FGD5: variants seen among roughly 807,000 people sequenced by gnomAD.
The protein encoded by FGD5 is FYVE, RhoGEF and PH domain-containing protein 5.
A neutral mutation model predicts 133.4 loss-of-function variants in FGD5; 28 were observed. The observed-to-expected ratio is 0.21, with a 90% confidence interval of 0.16 to 0.29. The LOEUF (loss-of-function observed/expected upper bound fraction) is 0.29. Ranked by LOEUF, FGD5 falls within the 10% of genes least tolerant of loss-of-function variation. FGD5 has a pLI of 1.00. For missense variants in FGD5, 1,858 were observed against 1,895.2 expected, an observed-to-expected ratio of 0.98 and a Z score of 0.36; for synonymous variants, 810 against 776.5, an observed-to-expected ratio of 1.04 and a Z score of -0.72.
At chr3:14,827,815 C>A (rs1034871659) in intron 1 of FGD5, among the ~76,000 whole-genome samples, 8 of 152,126 alleles carry the variant, frequency 5.3e-5, no homozygotes, top group African/African-American at 1.7e-4. Context: ...AGCATGCCGT[C>A]TGTTTGGAAT....
chr3:14,884,746 C>T (rs2037891799), intron 4 of FGD5, among the ~76,000 whole-genome samples: 1 of 152,176 alleles, frequency 6.6e-6, no homozygotes, highest in Non-Finnish European at 1.5e-5. Flanking sequence ...TGGCTAGGAG[C>T]TGGGATCACC....
intron 7 of FGD5, among the ~76,000 whole-genome samples, chr3:14,899,069 C>T (rs1209317679): frequency 6.6e-6 from 1 of 152,140 alleles, no homozygotes; most frequent in East Asian, 1.9e-4. Context: ...CCCAACGACA[C>T]CCCTCCCCAG....
In FGD5 at chr3:14,917,908, T is replaced by A. The variant is rs1470935702; in HGVS notation, c.3489+576T>A. On this transcript the variant is annotated intron_variant, in intron 12 of 19. Coordinates refer to ENST00000285046, the MANE Select transcript of FGD5 (RefSeq NM_152536.4). This position sits in a 1 kb window ranked among gnomAD's most constrained non-coding sequence, Gnocchi z 4.1. ...ATTTGACTACTATGGGTACCTCGAA[T>A]GAGGAGTCACACAGTATTGATCCTT... Among the ~76,000 whole-genome samples the A allele has an allele frequency of 2.6e-5, 4 of 152,206 alleles. No homozygotes were observed. Among genetic ancestry groups the A allele is most frequent in the South Asian group, 2.1e-4 (1 of 4,834 alleles).
At chr3:14,833,097 C>T (rs1209679635) in intron 1 of FGD5, among the ~76,000 whole-genome samples, 1 of 152,200 alleles carries the variant, frequency 6.6e-6, no homozygotes, top group East Asian at 1.9e-4. Context: ...CAAGACTGTC[C>T]AGCCTTCCAC....
chr3:14,920,123 G>A (rs2038646000), intron 13 of FGD5, among the ~76,000 whole-genome samples: 1 of 151,962 alleles, frequency 6.6e-6, no homozygotes, highest in Non-Finnish European at 1.5e-5. Flanking sequence ...AAGCTCTCGG[G>A]GGCTTGGAAA....
chr3:14,902,002 C>T (rs950939525), intron 9 of FGD5, among the ~76,000 whole-genome samples: 2 of 152,110 alleles, frequency 1.3e-5, no homozygotes, highest in Non-Finnish European at 2.9e-5. Flanking sequence ...ATGATACGGG[C>T]CAGGTGTGGT....
chr3:14,830,374 A>G (rs951573604), intron 1 of FGD5, among the ~76,000 whole-genome samples: 2 of 152,244 alleles, frequency 1.3e-5, no homozygotes, highest in Non-Finnish European at 2.9e-5. Flanking sequence ...TAAATGCAAT[A>G]AAATTTACAG....
Position 14,918,432 on chromosome 3 carries a change from C to T in FGD5, c.3490-322C>T, listed in dbSNP as rs563358930. Among the ~76,000 whole-genome samples, 6 of 152,318 alleles carry T rather than the reference C, an allele frequency of 3.9e-5. 1 individual carries two copies. The South Asian group carries it at 1.2e-3, about 32-fold the overall frequency. On this transcript the variant is annotated intron_variant, in intron 12 of 19. Transcript: ENST00000285046. Reference sequence around the variant, plus strand: ...TCCCTTTTGGAACCAAAGGCTCCACCGAGGAGCCTGTTAGAAAAAGGCATG... The same window carrying T: ...TCCCTTTTGGAACCAAAGGCTCCACTGAGGAGCCTGTTAGAAAAAGGCATG...
intron 4 of FGD5, among the ~76,000 whole-genome samples, chr3:14,884,210 C>G (rs139430886): frequency 7.2e-5 from 11 of 152,278 alleles, no homozygotes; most frequent in African/African-American, 2.6e-4. Context: ...GTTTTTTCAT[C>G]TAAAACAAGT....
chr3:14,860,473 A>G (rs1303371729), intron 1 of FGD5, among the ~76,000 whole-genome samples: 1 of 152,218 alleles, frequency 6.6e-6, no homozygotes, highest in African/African-American at 2.4e-5. Flanking sequence ...CATCTGTTTT[A>G]GTGATCTTTC....
chr3:14,911,318 G>C (rs184025152), intron 11 of FGD5, among the ~76,000 whole-genome samples: 1 of 152,164 alleles, frequency 6.6e-6, no homozygotes. Flanking sequence ...TTTCTCTACT[G>C]TGCAGGAGAC....
intron 1 of FGD5, among the ~76,000 whole-genome samples, chr3:14,827,278 ATTCT>A (rs1191916431): frequency 1.1e-4 from 13 of 120,276 alleles, no homozygotes; most frequent in Non-Finnish European, 1.4e-4. Flanking sequence ...CATTTCTGGT[ATTCT>A]TTTTTTTTTT....
intron 11 of FGD5, among the ~76,000 whole-genome samples, chr3:14,914,498 G>A (rs144364961): frequency 7.2e-5 from 11 of 152,342 alleles, no homozygotes; most frequent in South Asian, 4.1e-4. Context: ...CCCGAAAGGC[G>A]AAGGAGACCT....
rs368887006 is a variant in FGD5, at chr3:14,819,280, G to C, written c.209G>C (p.Arg70Thr). The C allele has an allele frequency of 1.3e-6, 2 of 1,531,330 alleles. No homozygotes were observed. Among genetic ancestry groups the C allele is most frequent in the Non-Finnish European group, 1.8e-6 (2 of 1,136,586 alleles). 94.9% of individuals were successfully genotyped at this position (1,531,330 alleles called of 1,614,324 possible). Residue 70 changes from arginine (R) to threonine (T), a missense_variant, in exon 1 of 20, where the codon AGG becomes ACG. Around this residue, in one of 3 missense-constraint regions of FGD5, gnomAD observed 1,824 missense variants for 1,848.9 expected, o/e 0.99. Transcript: ENST00000285046. This position sits in a 1 kb window ranked among gnomAD's most constrained non-coding sequence, Gnocchi z 4.1. ...GACGAGGATTACATCGTGGTCCCCA[G>C]GGTTCCGCTGAGGGAGGATGAACCC... ...ETDEDYIVVPRVPLREDEPKD... is the reference protein window; with the variant it reads ...ETDEDYIVVPTVPLREDEPKD...
At chr3:14,845,194 A>G (rs1477188716) in intron 1 of FGD5, among the ~76,000 whole-genome samples, 3 of 152,190 alleles carry the variant, frequency 2.0e-5, no homozygotes, top group Non-Finnish European at 2.9e-5. Flanking sequence ...TTTCCATTGT[A>G]AAGGTTCTGA....
intron 1 of FGD5, among the ~76,000 whole-genome samples, chr3:14,825,805 C>T (rs561151842): frequency 2.6e-5 from 4 of 152,236 alleles, no homozygotes; most frequent in African/African-American, 7.2e-5. Flanking sequence ...GTAGTCTTGG[C>T]GTGGGGAACC....
chr3:14,879,644 A>G (rs2037787738), intron 2 of FGD5, among the ~76,000 whole-genome samples: 1 of 152,312 alleles, frequency 6.6e-6, no homozygotes, highest in Non-Finnish European at 1.5e-5. Flanking sequence ...GGTCATGCAG[A>G]TGTGGGAGTT....
chr3:14,878,956 C>G (rs895683957), intron 2 of FGD5, among the ~76,000 whole-genome samples: 4 of 152,174 alleles, frequency 2.6e-5, no homozygotes, highest in Admixed American at 6.5e-5. Context: ...TTCCACCCGC[C>G]TTAGCCTCCC....
chr3:14,932,716 C>T lies in FGD5; in HGVS notation c.4337C>T (p.Thr1446Ile). 1 of 1,613,652 alleles carries T rather than the reference C, an allele frequency of 6.2e-7. No individual in the cohort carries two copies. Among genetic ancestry groups the T allele is most frequent in the Non-Finnish European group, 8.5e-7 (1 of 1,179,810 alleles). Residue 1446 changes from threonine (T) to isoleucine (I), a missense_variant, in exon 19 of 20, where the codon ACC becomes ATC. By Grantham distance (89) the Thr-to-Ile change is moderately conservative. Coordinates refer to ENST00000285046, the MANE Select transcript of FGD5 (RefSeq NM_152536.4). ...TLFYSFKAED[T>I]NSAQRWIEAM... ...TTTTATAGCTTCAAAGCAGAAGATA[C>T]CAATTCAGCTCAGAGGTACGAAAAG...
Sources: gnomAD v4.1 joint callset for allele counts (sites outside exome capture counted in the v4.1 genomes callset) on GRCh38, gnomAD v4.1.1 for gene constraint, gnomAD v4.1.1 regional missense constraint, Gnocchi (gnomAD v3.1) non-coding constraint, MANE v1.5 for transcripts, NCBI Gene and HGNC (gene_info 2026-07-23, HGNC 2026-07-21) for gene names.